TAMM41: variants seen among roughly 807,000 people sequenced by gnomAD.
TAMM41 encodes the protein TAM41 mitochondrial translocator assembly and maintenance homolog.
A neutral mutation model predicts 44.1 loss-of-function variants in TAMM41; 36 were observed. The ratio of observed to expected loss-of-function variants is 0.82; its 90% CI spans 0.63 to 1.08. The LOEUF (loss-of-function observed/expected upper bound fraction) is 1.08, where lower values mean the gene tolerates loss of function less well. Among genes scored for constraint, TAMM41 ranks in the 50% least tolerant of loss-of-function variants. The probability of loss-of-function intolerance (pLI) is 0.00; values close to 1 mark genes in which losing one functional copy is unlikely to be tolerated. For missense variants in TAMM41, 417 were observed against 404.3 expected, an observed-to-expected ratio of 1.03 and a Z score of -0.27; for synonymous variants, 164 against 153.1, an observed-to-expected ratio of 1.07 and a Z score of -0.53.
chr3:11,769,248 CA>C, the TAMM41 span, among the ~76,000 whole-genome samples: 1 of 152,150 alleles, frequency 6.6e-6, no homozygotes, highest in African/African-American at 2.4e-5. Flanking sequence ...TGCCACCACG[CA>C]CAGCTAATTT....
At chr3:11,740,718 A>G in the TAMM41 span, among the ~76,000 whole-genome samples, 2 of 151,568 alleles carry the variant, frequency 1.3e-5, no homozygotes, top group African/African-American at 4.8e-5. Context: ...GGCGCCCGCC[A>G]CCGCGCCCGG....
the TAMM41 span, among the ~76,000 whole-genome samples, chr3:11,727,105 A>T: frequency 4.6e-5 from 7 of 152,246 alleles, no homozygotes; most frequent in Admixed American, 4.6e-4. Flanking sequence ...TACAACAAGT[A>T]CCGAATTTTG....
Position 11,807,873 on chromosome 3 carries a change from C to T in TAMM41, c.897G>A (p.Pro299=), listed in dbSNP as rs140012847. 536 of 1,532,534 alleles carry T rather than the reference C, an allele frequency of 3.5e-4. 9 individuals are homozygous for T. In the East Asian group the frequency reaches 9.2e-3, roughly 26 times the overall value. 94.9% of individuals were successfully genotyped at this position (1,532,534 alleles called of 1,614,324 possible). A position where few individuals can be genotyped will look rare whatever the true frequency, so the allele number is the denominator to read the frequency against. The change falls in exon 7 of 8, where the codon CCG becomes CCA. Residue 299 remains proline, a synonymous_variant. Coordinates refer to ENST00000455809, the MANE Select transcript of TAMM41 (RefSeq NM_001284401.2). ...CTTTCGTGCTCTGTCTTATACTAGA[C>T]GGTCTCACGATTGCTGAAAGCCCTG... ...VRLGLSAIVR[P]SSIRQSTKGI...
At position 11,844,566 on chromosome 3, in the gene TAMM41, G is replaced by C. The variant is rs55688676; in HGVS notation, c.136-355C>G. On this transcript the variant is annotated intron_variant, in intron 1 of 7. Coordinates refer to ENST00000455809, the MANE Select transcript of TAMM41 (RefSeq NM_001284401.2). Reference sequence around the variant, plus strand: ...GGGATGCTCTTTGCCCAAGGACACAGAGCTTGTGAGTGGCAGACCTAAGAG... The same window carrying C: ...GGGATGCTCTTTGCCCAAGGACACACAGCTTGTGAGTGGCAGACCTAAGAG... Among the ~76,000 whole-genome samples, 197 of 152,300 alleles carry C rather than the reference G, an allele frequency of 1.3e-3. 1 individual carries two copies. The highest frequency in any genetic ancestry group is 4.2e-3 in the African/African-American group (173 of 41,556).
At chr3:11,827,161 C>G (rs1383486751) in intron 4 of TAMM41, among the ~76,000 whole-genome samples, 1 of 152,148 alleles carries the variant, frequency 6.6e-6, no homozygotes, top group Non-Finnish European at 1.5e-5. Context: ...GGACCATTGC[C>G]TAAAATTAGT....
chr3:11,725,425 T>TTCC, the TAMM41 span, among the ~76,000 whole-genome samples: 1,451 of 68,082 alleles, frequency 0.021, 10 homozygotes, highest in Non-Finnish European at 0.031. Flanking sequence ...TTCTTCTTCT[T>TTCC]TCCTCCTCCT....
the TAMM41 span, among the ~76,000 whole-genome samples, chr3:11,775,380 C>T: frequency 5.3e-5 from 8 of 152,164 alleles, no homozygotes; most frequent in South Asian, 2.1e-4. Context: ...TGGTGATTTC[C>T]GAAACCCATG....
the TAMM41 span, among the ~76,000 whole-genome samples, chr3:11,759,322 A>G: frequency 6.6e-6 from 1 of 151,952 alleles, no homozygotes; most frequent in African/African-American, 2.4e-5. Context: ...AAACACCTAG[A>G]TGCTTAATAG....
chr3:11,801,980 G>C (rs141345792), intron 7 of TAMM41, among the ~76,000 whole-genome samples: 1 of 152,168 alleles, frequency 6.6e-6, no homozygotes, highest in Non-Finnish European at 1.5e-5. Context: ...CTGCACTTTG[G>C]GAGGCTGAGG....
At position 11,805,231 on chromosome 3, in the gene TAMM41, A is replaced by G. The variant is rs1382013306; in HGVS notation, c.937+2602T>C. Among the ~76,000 whole-genome samples the G allele has an allele frequency of 4.0e-5, 6 of 151,686 alleles. No individual in the cohort carries two copies. In the East Asian group the frequency reaches 1.2e-3, roughly 30 times the overall value. ...TGCCCAGGCTGGTCTCAAACCCCTG[A>G]GCTCGGGCAATCTGCCTGTCTCGGC... On this transcript the variant is annotated intron_variant, in intron 7 of 7. Coordinates refer to ENST00000455809, the MANE Select transcript of TAMM41 (RefSeq NM_001284401.2).
intron 5 of TAMM41, among the ~76,000 whole-genome samples, chr3:11,814,849 A>T (rs2078222587): frequency 6.6e-6 from 1 of 152,116 alleles, no homozygotes; most frequent in Admixed American, 6.6e-5. Context: ...TAGTCCCAGT[A>T]GTTACTCAGG....
At chr3:11,798,348 G>T (rs1272488225) in intron 7 of TAMM41, among the ~76,000 whole-genome samples, 1 of 152,096 alleles carries the variant, frequency 6.6e-6, no homozygotes, top group African/African-American at 2.4e-5. Flanking sequence ...TCCTTTGCAG[G>T]GATATAGATG....
At chr3:11,753,610 G>A in the TAMM41 span, among the ~76,000 whole-genome samples, 7 of 151,974 alleles carry the variant, frequency 4.6e-5, no homozygotes, top group South Asian at 2.1e-4. Flanking sequence ...GGTGGCGGGC[G>A]CCTGTAGTCC....
At chr3:11,843,724 TA>T in intron 2 of TAMM41, 23 of 257,824 alleles carry the variant, frequency 8.9e-5, no homozygotes, top group Middle Eastern at 1.2e-3. Context: ...CTCAAAAAAA[TA>T]AAAAAAATAA....
chr3:11,809,921 G>T, intron 5 of TAMM41: 8 of 355,794 alleles, frequency 2.2e-5, no homozygotes, highest in East Asian at 4.6e-5. Context: ...CCTGAGAAAA[G>T]AATAGAAGCC....
At chr3:11,739,363 GAGTAGTCAA>G in the TAMM41 span, among the ~76,000 whole-genome samples, 1 of 152,148 alleles carries the variant, frequency 6.6e-6, no homozygotes, top group Non-Finnish European at 1.5e-5. Flanking sequence ...TTGCAGACAG[GAGTAGTCAA>G]ATGACTAAGT....
the TAMM41 span, among the ~76,000 whole-genome samples, chr3:11,756,813 T>G: frequency 1.4e-5 from 2 of 145,178 alleles, no homozygotes; most frequent in East Asian, 4.0e-4. Context: ...TGCGGTGAGC[T>G]GAGATTGCGC....
downstream of TAMM41, among the ~76,000 whole-genome samples, chr3:11,786,294 TATTA>T (rs1559259388): frequency 5.1e-5 from 5 of 98,764 alleles, no homozygotes; most frequent in South Asian, 2.8e-4. Flanking sequence ...ATTTTATTAT[TATTA>T]TTATTATTAT....
intron 7 of TAMM41, among the ~76,000 whole-genome samples, chr3:11,804,819 T>C (rs1170884737): frequency 6.6e-6 from 1 of 151,990 alleles, no homozygotes; most frequent in Non-Finnish European, 1.5e-5. Context: ...GTGACACAAG[T>C]GCTACTAAGT....
Sources: gnomAD v4.1 joint callset for allele counts (sites outside exome capture counted in the v4.1 genomes callset) on GRCh38, gnomAD v4.1.1 for gene constraint, MANE v1.5 for transcripts, NCBI Gene and HGNC (gene_info 2026-07-23, HGNC 2026-07-21) for gene names.